The following HDLBP variants were observed in gnomAD, a reference collection of about 807,000 sequenced individuals.
HDLBP encodes the protein high density lipoprotein binding protein.
HDLBP carries 30 observed loss-of-function variants against 137.3 expected under a neutral mutation model. That is an observed-to-expected ratio of 0.22 (90% confidence interval 0.16 to 0.30). HDLBP has a LOEUF of 0.30. Ranked by LOEUF, HDLBP falls within the 10% of genes least tolerant of loss-of-function variation. The probability of loss-of-function intolerance (pLI) is 1.00; values close to 1 mark genes in which losing one functional copy is unlikely to be tolerated. For synonymous variants in HDLBP, 606 were observed against 596.0 expected, an observed-to-expected ratio of 1.02 and a Z score of -0.24; for missense variants, 1,119 against 1,667.3, an observed-to-expected ratio of 0.67 and a Z score of 5.73.
At chr2:241,258,639 TAAG>T (rs2149497736) in intron 5 of HDLBP, among the ~76,000 whole-genome samples, 1 of 152,204 alleles carries the variant, frequency 6.6e-6, no homozygotes, top group African/African-American at 2.4e-5. Flanking sequence ...AACTGAAATG[TAAG>T]AACACATTTA....
chr2:241,236,588 G>C, intron 21 of HDLBP, 27 bp downstream of exon 21: 1 of 1,611,596 alleles, frequency 6.2e-7, no homozygotes, highest in African/African-American at 1.3e-5. Flanking sequence ...CTTGGCGGGG[G>C]GTGGAGGGGG....
intron 11 of HDLBP, among the ~76,000 whole-genome samples, chr2:241,251,820 C>CA (rs1018089090): frequency 2.6e-5 from 4 of 152,020 alleles, no homozygotes; most frequent in African/African-American, 9.7e-5. Flanking sequence ...ACTAAAAATA[C>CA]AAAAAAATTA....
At chr2:241,266,657 A>G in intron 3 of HDLBP, 137 bp downstream of exon 3, 1 of 664,642 alleles carries the variant, frequency 1.5e-6, no homozygotes, top group Non-Finnish European at 2.7e-6. Flanking sequence ...AAAACAGTGC[A>G]CAAGATGTTG....
chr2:241,315,095 G>C (rs1006416765), intron 1 of HDLBP: 1 of 151,932 alleles, frequency 6.6e-6, no homozygotes, highest in Non-Finnish European at 1.5e-5. Flanking sequence ...CACTCCCCAG[G>C]TCTCACCTCG....
chr2:241,243,434 T>TACA (rs1443264849), intron 16 of HDLBP: 42 of 152,250 alleles, frequency 2.8e-4, no homozygotes, highest in African/African-American at 1.0e-3. Flanking sequence ...TATAGTGGCC[T>TACA]ACAGCTCAGA....
intron 1 of HDLBP, among the ~76,000 whole-genome samples, chr2:241,275,135 A>G (rs1575003039): frequency 2.6e-5 from 4 of 152,150 alleles, no homozygotes; most frequent in Admixed American, 2.6e-4. Context: ...TTGTCCAGGA[A>G]CCCCTAGCCC....
chr2:241,299,574 T>C (rs1370657742), intron 1 of HDLBP, among the ~76,000 whole-genome samples: 1 of 122,536 alleles, frequency 8.2e-6, no homozygotes, highest in East Asian at 2.5e-4. Flanking sequence ...AACATCAATA[T>C]AGGAGAGGGA....
intron 1 of HDLBP, chr2:241,279,877 A>G (rs1356401416): frequency 2.0e-6 from 2 of 979,714 alleles, no homozygotes; most frequent in East Asian, 1.1e-4. Context: ...TTGTCAGTGG[A>G]TAACATGGAT....
At chr2:241,236,212 A>G (rs1299388655) in intron 21 of HDLBP, 1 of 244,884 alleles carries the variant, frequency 4.1e-6, no homozygotes, top group Admixed American at 5.1e-5. Flanking sequence ...AGCAGCATCC[A>G]GTACGCAGGT....
chr2:241,260,267 A>C (rs1160501942), intron 5 of HDLBP, among the ~76,000 whole-genome samples: 1 of 152,258 alleles, frequency 6.6e-6, no homozygotes, highest in East Asian at 1.9e-4. Flanking sequence ...CAGCCTCCCA[A>C]AGTGCTAGGA....
Position 241,248,365 on chromosome 2 carries a change from AG to A in HDLBP, c.1513-18del, listed in dbSNP as rs760952017. ...CTCATTTTCCTAAAAATACAATTAAAGTAGATGTCATTTATCACAAGCACGG... is the reference window on the plus strand; with the variant it reads ...CTCATTTTCCTAAAAATACAATTAAATAGATGTCATTTATCACAAGCACGG... On this transcript the variant is annotated intron_variant, in intron 12 of 27. Coordinates refer to ENST00000310931, the MANE Select transcript of HDLBP (RefSeq NM_005336.6). 1 of 1,582,766 alleles carries A rather than the reference AG, an allele frequency of 6.3e-7. No individual in the cohort carries two copies. Among genetic ancestry groups the A allele is most frequent in the Non-Finnish European group, 8.7e-7 (1 of 1,151,392 alleles).
intron 1 of HDLBP, among the ~76,000 whole-genome samples, chr2:241,309,953 T>C (rs2075712215): frequency 6.6e-6 from 1 of 152,044 alleles, no homozygotes; most frequent in Non-Finnish European, 1.5e-5. Flanking sequence ...GCCTCTGCAG[T>C]GAAAGCCACA....
intron 7 of HDLBP, 101 bp from the exon 8 acceptor site, chr2:241,255,681 C>T: frequency 1.2e-6 from 1 of 837,416 alleles, no homozygotes; most frequent in African/African-American, 1.7e-5. Context: ...GCGGCCCAGA[C>T]TATAGATGCT....
At chr2:241,291,757 T>A (rs1386448064) in intron 1 of HDLBP, among the ~76,000 whole-genome samples, 1 of 152,216 alleles carries the variant, frequency 6.6e-6, no homozygotes, top group Non-Finnish European at 1.5e-5. Context: ...GAATTAAGAA[T>A]CTTGAGATGG....
At chr2:241,262,566 G>T in intron 5 of HDLBP, 145 bp downstream of exon 5, 2 of 611,622 alleles carry the variant, frequency 3.3e-6, no homozygotes, top group Non-Finnish European at 5.9e-6. Context: ...AATGCCAGAG[G>T]ACTCTGAATG....
chr2:241,249,213 A>G (rs77791862), intron 12 of HDLBP: 76,359 of 424,998 alleles, frequency 0.18, 7,594 homozygotes, highest in Middle Eastern at 0.28. Flanking sequence ...TGAACAAAGA[A>G]TCCCCTAAGC....
intron 1 of HDLBP, among the ~76,000 whole-genome samples, chr2:241,269,883 T>C (rs972177032): frequency 2.0e-5 from 3 of 152,006 alleles, no homozygotes; most frequent in African/African-American, 7.3e-5. Flanking sequence ...GCATCCACCC[T>C]CCGCCCTCCC....
rs1387995408 is a variant in HDLBP, at chr2:241,315,564, C to T, written c.-103+6G>A. 6.6e-6 allele frequency: 1 copy of T among 152,598 alleles called. No individual in the cohort carries two copies. Among genetic ancestry groups the T allele is most frequent in the African/African-American group, 2.4e-5 (1 of 41,484 alleles). The allele number at this position is 152,598 out of a possible 1,614,324, so 9.5% of individuals were successfully genotyped here. The stretch of plus-strand genomic sequence containing the variant: ...TTACCCACCGCAAGGCGAAGATTCT[C>T]ATTACCTGTTCCACTCTTATAAGCA... On this transcript the variant is annotated splice_donor_region_variant and intron_variant, in intron 1 of 27. Coordinates refer to ENST00000310931, the MANE Select transcript of HDLBP (RefSeq NM_005336.6).
At chr2:241,266,624 G>A (rs1019249270) in intron 3 of HDLBP, 170 bp downstream of exon 3, 4 of 580,124 alleles carry the variant, frequency 6.9e-6, no homozygotes, top group Non-Finnish European at 1.2e-5. Context: ...CTGGCCAGTC[G>A]CCCCTGCACG....
Sources: gnomAD v4.1 joint callset for allele counts (sites outside exome capture counted in the v4.1 genomes callset) on GRCh38, gnomAD v4.1.1 for gene constraint, MANE v1.5 for transcripts, NCBI Gene and HGNC (gene_info 2026-07-23, HGNC 2026-07-21) for gene names.